The following BEND4 variants were observed in gnomAD, a reference collection of about 807,000 sequenced individuals.
BEND4 encodes the protein BEN domain-containing protein 4.
BEND4 carries 27 observed loss-of-function variants against 54.7 expected under a neutral mutation model. The ratio of observed to expected loss-of-function variants is 0.49; its 90% CI spans 0.36 to 0.68. BEND4 has a LOEUF of 0.68. BEND4 is among the 30% of genes least tolerant of loss of function. The pLI is 0.00. For missense variants in BEND4, 702 were observed against 697.2 expected, an observed-to-expected ratio of 1.01 and a Z score of -0.08; for synonymous variants, 327 against 299.5, an observed-to-expected ratio of 1.09 and a Z score of -0.95.
In BEND4 at chr4:42,151,884, G is replaced by A. The variant is rs1721305856; in HGVS notation, c.260C>T (p.Pro87Leu). 11 of 1,295,996 alleles carry A rather than the reference G, an allele frequency of 8.5e-6. No individual in the cohort carries two copies. Among genetic ancestry groups the A allele is most frequent in the South Asian group, 8.0e-5 (3 of 37,734 alleles). The allele number at this position is 1,295,996 out of a possible 1,614,324, so 80.3% of individuals were successfully genotyped here. Residue 87 changes from proline to leucine, a missense_variant, in exon 2 of 6, where the codon CCC (proline) becomes CTC (leucine). Physicochemically the swap from Pro to Leu is moderately conservative, Grantham distance 98 (BLOSUM62 -3). Coordinates refer to ENST00000502486, the MANE Select transcript of BEND4 (RefSeq NM_207406.4). ...PQQFQAQSSYPPGPGRAAAAA... is the reference protein window; with the variant it reads ...PQQFQAQSSYLPGPGRAAAAA... ...GGCGGCGGCCCGGCCGGGCCCGGGG[G>A]GGTAGGAGCTCTGCGCCTGGAACTG... is the stretch of plus-strand genomic sequence containing the variant.
At chr4:42,146,313 G>A (rs977406097) in intron 2 of BEND4, among the ~76,000 whole-genome samples, 2 of 152,254 alleles carry the variant, frequency 1.3e-5, no homozygotes, top group Admixed American at 1.3e-4. Context: ...GGAGTGGAGA[G>A]AGAAAGACAT....
intron 4 of BEND4, among the ~76,000 whole-genome samples, chr4:42,124,834 T>A (rs1361736905): frequency 2.0e-5 from 3 of 152,206 alleles, no homozygotes; most frequent in African/African-American, 7.2e-5. Context: ...AAGCAAGATG[T>A]GCTGTAGTGT....
Position 42,143,746 on chromosome 4 carries a change from A to G in BEND4, c.736T>C (p.Leu246=). 3 of 1,614,020 alleles carry G rather than the reference A, an allele frequency of 1.9e-6. No homozygotes were observed. Among genetic ancestry groups the G allele is most frequent in the East Asian group, 4.5e-5 (2 of 44,886 alleles). ...TGTAGAGAGTCAGTGAAAACCCTCA[A>G]AAAGGCAGAAGTTTGTTGTTTCCTT... ...MQRKQQTSAF[L]RVFTDSLQNY... The change falls in exon 3 of 6, where the codon TTG becomes CTG. Residue 246 remains leucine (L), a synonymous_variant. Coordinates refer to ENST00000502486, the MANE Select transcript of BEND4 (RefSeq NM_207406.4).
Position 42,114,777 on chromosome 4 carries a change from CAA to C in BEND4, c.*2739_*2740del, listed in dbSNP as rs1288732726. 2 of 152,024 alleles carry C rather than the reference CAA, an allele frequency of 1.3e-5. No individual in the cohort carries two copies. Among genetic ancestry groups the C allele is most frequent in the African/African-American group, 4.8e-5 (2 of 41,344 alleles). 9.4% of individuals were successfully genotyped at this position (152,024 alleles called of 1,614,324 possible). On this transcript the variant is annotated 3_prime_UTR_variant, in exon 6 of 6. Transcript: ENST00000502486. ...CATCCTTTGTTGGTCCTGATTTAAA[CAA>C]GAGGAGACCATGCAGACGACCACCG...
rs1720001137 is a variant in BEND4 at position 42,120,158 on chromosome 4, A to C, written c.1283T>G (p.Leu428Arg). The C allele has an allele frequency of 6.2e-7, 1 of 1,613,920 alleles. No individual in the cohort carries two copies. The highest frequency in any genetic ancestry group is 8.5e-7 in the Non-Finnish European group (1 of 1,179,900). ...TTTCCCAAGGCCGCATGAGTACTTAAGCTCATCGGTTGTGAAAACAAATCT... is the reference window on the plus strand; with the variant it reads ...TTTCCCAAGGCCGCATGAGTACTTACGCTCATCGGTTGTGAAAACAAATCT... ...LIRFVFTTDE[L>R]KYSCGLGKRK... Residue 428 changes from leucine (L) to arginine (R), a missense_variant, in exon 5 of 6, where the codon CTT becomes CGT. Coordinates refer to ENST00000502486, the MANE Select transcript of BEND4 (RefSeq NM_207406.4).
At chr4:42,129,813 T>C (rs541341501) in intron 3 of BEND4, among the ~76,000 whole-genome samples, 1 of 152,132 alleles carries the variant, frequency 6.6e-6, no homozygotes, top group East Asian at 1.9e-4. Context: ...TACAAGAAAA[T>C]CTAGGCAATA....
chr4:42,112,139 T>TC lies in BEND4; in HGVS notation c.*5378dup, dbSNP rs1334903379. On this transcript the variant is annotated 3_prime_UTR_variant, in exon 6 of 6. Transcript: ENST00000502486. ...TGTTGATGGGCTTTGAGAACTGTGCTCCAACTACTGAGGAAGACTGAACTC... is the reference window on the plus strand; with the variant it reads ...TGTTGATGGGCTTTGAGAACTGTGCTCCCAACTACTGAGGAAGACTGAACTC... 6.6e-6 allele frequency: 1 copy of TC among 152,218 alleles called. No homozygotes were observed. The highest frequency in any genetic ancestry group is 1.5e-5 in the Non-Finnish European group (1 of 68,044). The allele number at this position is 152,218 out of a possible 1,614,324, so 9.4% of individuals were successfully genotyped here.
rs749893218 is a variant in BEND4 at position 42,151,988 on chromosome 4, C to A, written c.156G>T (p.Val52=). The A allele has an allele frequency of 8.1e-5, 101 of 1,254,396 alleles. No homozygotes were observed. The highest frequency in any genetic ancestry group is 4.8e-4 in the Middle Eastern group (2 of 4,188). 77.7% of individuals were successfully genotyped at this position (1,254,396 alleles called of 1,614,324 possible). A position where few individuals can be genotyped will look rare whatever the true frequency, so the allele number is the denominator to read the frequency against. ...GCGGCGGGGGCGGCGGGGGCGCCCG[C>A]ACGTGCGGCAGCTCCACCAGGGTGG... is the stretch of plus-strand genomic sequence containing the variant. The part of the protein sequence containing the change: ...ERPTLVELPH[V]RAPPPPPPPF... Residue 52 remains valine, a synonymous_variant, in exon 2 of 6, where the codon GTG becomes GTT. Transcript: ENST00000502486.
Position 42,128,898 on chromosome 4 carries a change from C to T in BEND4, c.1055-3224G>A, listed in dbSNP as rs113510812. On this transcript the variant is annotated intron_variant, in intron 3 of 5. Coordinates refer to ENST00000502486, the MANE Select transcript of BEND4 (RefSeq NM_207406.4). ...TTGCAGTGAGCCGAGACTGTGCCAC[C>T]GCACTCCAGCTTGGGCGACTGAATG... 1.1e-3 allele frequency among the ~76,000 whole-genome samples: 167 copies of T among 151,870 alleles called. 2 individuals are homozygous for T. The highest frequency in any genetic ancestry group is 3.7e-3 in the African/African-American group (152 of 41,410).
In BEND4 at chr4:42,113,614, A is replaced by C. The variant is rs957715276; in HGVS notation, c.*3904T>G. 3.8e-4 allele frequency: 58 copies of C among 152,294 alleles called. No homozygotes were observed. The highest frequency in any genetic ancestry group is 1.4e-3 in the African/African-American group (58 of 41,552). The allele number at this position is 152,294 out of a possible 1,614,324, so 9.4% of individuals were successfully genotyped here. On this transcript the variant is annotated 3_prime_UTR_variant, in exon 6 of 6. Transcript: ENST00000502486. ...CTGATACTGCAAGAATAGTTACTGGACTTAAAAAAAATCCTATCAACATCA... is the reference window on the plus strand; with the variant it reads ...CTGATACTGCAAGAATAGTTACTGGCCTTAAAAAAAATCCTATCAACATCA...
Position 42,151,674 on chromosome 4 carries a change from C to G in BEND4, c.470G>C (p.Ser157Thr). ...GTGGTGSDSA[S>T]LELSAESRMI... The stretch of plus-strand genomic sequence containing the variant: ...GTTGGTACCTGCGCTGAGCTCCAGG[C>G]TGGCGCTGTCGCTACCCGTGCCGCC... Residue 157 changes from serine to threonine, a missense_variant, in exon 2 of 6, where the codon AGC becomes ACC. Ser to Thr is a moderately conservative substitution (Grantham distance 58). Coordinates refer to ENST00000502486, the MANE Select transcript of BEND4 (RefSeq NM_207406.4). The G allele has an allele frequency of 6.7e-7, 1 of 1,490,248 alleles. No homozygotes were observed. The highest frequency in any genetic ancestry group is 2.3e-5 in the Admixed American group (1 of 44,078). The allele number at this position is 1,490,248 out of a possible 1,614,324, so 92.3% of individuals were successfully genotyped here.
intron 4 of BEND4, 111 bp from the exon 5 acceptor site, chr4:42,120,405 CA>C (rs1720012051): frequency 3.7e-6 from 5 of 1,352,420 alleles, no homozygotes; most frequent in Non-Finnish European, 5.1e-6. Flanking sequence ...GCTATGCTGA[CA>C]ATGAACCAGG....
At chr4:42,122,860 G>C (rs1249746078) in intron 4 of BEND4, among the ~76,000 whole-genome samples, 17 of 152,154 alleles carry the variant, frequency 1.1e-4, no homozygotes, top group Admixed American at 1.1e-3. Flanking sequence ...CAACTCAAAG[G>C]GACGGGGCTG....
intron 3 of BEND4, among the ~76,000 whole-genome samples, chr4:42,128,263 A>C (rs1196202650): frequency 6.6e-6 from 1 of 152,236 alleles, no homozygotes. Context: ...AAAAGCTGGA[A>C]GCGTTCCCCT....
chr4:42,124,804 A>ACCCGGG (rs1167755364), intron 4 of BEND4, among the ~76,000 whole-genome samples: 1 of 152,184 alleles, frequency 6.6e-6, no homozygotes, highest in African/African-American at 2.4e-5. Flanking sequence ...TAGAGATGAG[A>ACCCGGG]CCCGGGCCCA....
chr4:42,120,443 G>A, intron 4 of BEND4, 149 bp from the exon 5 acceptor site: 1 of 973,288 alleles, frequency 1.0e-6, no homozygotes, highest in Non-Finnish European at 1.5e-6. Context: ...TAATTGCTCA[G>A]ACTTAGAAGG....
chr4:42,145,081 G>A (rs1481522342), intron 2 of BEND4, among the ~76,000 whole-genome samples: 1 of 152,168 alleles, frequency 6.6e-6, no homozygotes, highest in East Asian at 1.9e-4. Flanking sequence ...TATTGTTTAA[G>A]ATAAAAATGC....
At chr4:42,135,751 G>A (rs1720675633) in intron 3 of BEND4, among the ~76,000 whole-genome samples, 1 of 152,106 alleles carries the variant, frequency 6.6e-6, no homozygotes, top group Non-Finnish European at 1.5e-5. Context: ...CTCCAGCCTG[G>A]GCGACAGAGC....
At position 42,113,768 on chromosome 4, in the gene BEND4, A is replaced by C. The variant is rs1013584232; in HGVS notation, c.*3750T>G. The C allele has an allele frequency of 6.6e-6, 1 of 152,220 alleles. No homozygotes were observed. Among genetic ancestry groups the C allele is most frequent in the East Asian group, 1.9e-4 (1 of 5,204 alleles). The allele number at this position is 152,220 out of a possible 1,614,324, so 9.4% of individuals were successfully genotyped here. The stretch of plus-strand genomic sequence containing the variant: ...TCTGTCACTGACAAAGGGATAAGGA[A>C]CAATGCAGAATACCCGATCACCCAC... On this transcript the variant is annotated 3_prime_UTR_variant, in exon 6 of 6. Coordinates refer to ENST00000502486, the MANE Select transcript of BEND4 (RefSeq NM_207406.4).
Sources: gnomAD v4.1 joint callset for allele counts (sites outside exome capture counted in the v4.1 genomes callset) on GRCh38, gnomAD v4.1.1 for gene constraint, MANE v1.5 for transcripts, NCBI Gene and HGNC (gene_info 2026-07-23, HGNC 2026-07-21) for gene names.